FBXO38: variants seen among roughly 807,000 people sequenced by gnomAD.
FBXO38 encodes F-box only protein 38.
FBXO38 carries 53 observed loss-of-function variants against 131.9 expected under a neutral mutation model. That is an observed-to-expected ratio of 0.40 (90% confidence interval 0.32 to 0.51). FBXO38 has a LOEUF of 0.51. Among genes scored for constraint, FBXO38 ranks in the 20% least tolerant of loss-of-function variants. The pLI, the probability that FBXO38 is intolerant of heterozygous loss-of-function variation, is 0.53. For synonymous variants in FBXO38, 452 were observed against 505.6 expected, an observed-to-expected ratio of 0.89 and a Z score of 1.42; for missense variants, 1,076 against 1,475.6, an observed-to-expected ratio of 0.73 and a Z score of 4.44.
intron 18 of FBXO38, 73 bp from the exon 19 acceptor site, chr5:148,439,574 G>C: frequency 7.0e-7 from 1 of 1,426,456 alleles, no homozygotes; most frequent in South Asian, 1.3e-5. Context: ...TGGAAAGATT[G>C]TTCAAGCTCT....
chr5:148,423,864 G>A, intron 12 of FBXO38, 134 bp from the exon 13 acceptor site: 1 of 671,470 alleles, frequency 1.5e-6, no homozygotes, highest in Non-Finnish European at 2.5e-6. Flanking sequence ...AGTGTATGCA[G>A]TATATGCTGT....
intron 9 of FBXO38, among the ~76,000 whole-genome samples, chr5:148,411,817 TA>T (rs1439884304): frequency 1.3e-5 from 2 of 152,208 alleles, no homozygotes; most frequent in Non-Finnish European, 2.9e-5. Context: ...TATATAAAAT[TA>T]ATACATTTGA....
chr5:148,390,281 T>G (rs1257940385), intron 1 of FBXO38, among the ~76,000 whole-genome samples: 1 of 152,210 alleles, frequency 6.6e-6, no homozygotes, highest in Non-Finnish European at 1.5e-5. Flanking sequence ...CCGAGGAAGC[T>G]TTTTATCTCC....
chr5:148,440,476 T>C lies in FBXO38; in HGVS notation c.3223T>C (p.Leu1075=). ...FPEATRSEED[L]KKYPKYPWGR... is the part of the protein sequence containing the mutation. ...TGAAGCCACTCGAAGTGAAGAAGAC[T>C]TAAAGAAATACCCCAAGTACCCCTG... Residue 1075 remains leucine, a synonymous_variant, in exon 20 of 22, where the codon TTA becomes CTA. Transcript: ENST00000340253. The C allele has an allele frequency of 2.5e-6, 4 of 1,612,890 alleles. No individual in the cohort carries two copies. Among genetic ancestry groups the C allele is most frequent in the Non-Finnish European group, 3.4e-6 (4 of 1,178,940 alleles).
In FBXO38 at chr5:148,440,479, A is replaced by G. The variant is rs764602730; in HGVS notation, c.3226A>G (p.Lys1076Glu). ...PEATRSEEDL[K>E]KYPKYPWGRE... ...AGCCACTCGAAGTGAAGAAGACTTA[A>G]AGAAATACCCCAAGTACCCCTGGGG... The change falls in exon 20 of 22, where the codon AAG becomes GAG. Residue 1076 changes from lysine (K) to glutamate (E), a missense_variant. Physicochemically the swap from Lys to Glu is moderately conservative, Grantham distance 56. This residue lies in a region of FBXO38 where 282 missense variants were observed against 418.8 expected (regional missense o/e 0.67). Coordinates refer to ENST00000340253, the MANE Select transcript of FBXO38 (RefSeq NM_205836.3). The G allele has an allele frequency of 1.6e-5, 25 of 1,612,708 alleles. No individual in the cohort carries two copies. In the African/African-American group the frequency reaches 3.2e-4, roughly 21 times the overall value.
At chr5:148,404,907 A>G in intron 6 of FBXO38, 85 bp downstream of exon 6, 1 of 1,202,204 alleles carries the variant, frequency 8.3e-7, no homozygotes, top group East Asian at 2.8e-5. Flanking sequence ...TTGTAAATAC[A>G]ATTATATTAT....
At chr5:148,414,110 T>C in intron 9 of FBXO38, 26 bp from the exon 10 acceptor site, 2 of 1,578,972 alleles carry the variant, frequency 1.3e-6, no homozygotes, top group Non-Finnish European at 1.7e-6. Flanking sequence ...TGACTTTTTT[T>C]TTTTTTAATT....
At position 148,406,252 on chromosome 5, in the gene FBXO38, T is replaced by C. The variant is rs528175277; in HGVS notation, c.731-5T>C. On this transcript the variant is annotated splice_polypyrimidine_tract_variant and splice_region_variant and intron_variant, in intron 6 of 21. Transcript: ENST00000340253. ...GTTCTATCAAAGATTTTTTTTTTTT[T>C]CCAGGACCCACAAATTCCTTGAAAT... The C allele has an allele frequency of 1.4e-4, 217 of 1,564,758 alleles. 2 individuals are homozygous for C. In the South Asian group the frequency reaches 1.6e-3, roughly 12 times the overall value.
chr5:148,411,782 A>C (rs1752772800), intron 9 of FBXO38, among the ~76,000 whole-genome samples: 1 of 152,194 alleles, frequency 6.6e-6, no homozygotes, highest in Admixed American at 6.5e-5. Flanking sequence ...AAATAGCTTT[A>C]AAATGCTAAT....
Position 148,388,531 on chromosome 5 carries a change from A to G in FBXO38, c.-64+4492A>G, listed in dbSNP as rs370449424. Among the ~76,000 whole-genome samples the G allele has an allele frequency of 2.1e-4, 32 of 152,326 alleles. No homozygotes were observed. The South Asian group carries it at 6.4e-3, about 31-fold the overall frequency. On this transcript the variant is annotated intron_variant, in intron 1 of 21. Coordinates refer to ENST00000340253, the MANE Select transcript of FBXO38 (RefSeq NM_205836.3). ...TTATCTAAGTTAGATCTTTTGGATA[A>G]CTTGTTGCAGCTTCTCCATCAACAT...
chr5:148,415,796 A>G (rs1753018811), intron 10 of FBXO38, 132 bp from the exon 11 acceptor site: 5 of 854,004 alleles, frequency 5.9e-6, no homozygotes, highest in African/African-American at 1.7e-5. Context: ...ATCGGGTTTT[A>G]GAAGTCATGA....
intron 12 of FBXO38, among the ~76,000 whole-genome samples, chr5:148,422,259 C>T (rs1753484765): frequency 6.6e-6 from 1 of 152,144 alleles, no homozygotes; most frequent in South Asian, 2.1e-4. Context: ...TACGATCTGG[C>T]CTGCCCTCAT....
Position 148,394,892 on chromosome 5 carries a change from G to A in FBXO38, c.116G>A (p.Cys39Tyr). ...AATCAACTTTCACATGAAGTACTTT[G>A]CCATATTTTTAGGTAAGATTGTGTT... ...YMNQLSHEVL[C>Y]HIFRYLPLQD... The change falls in exon 2 of 22, where the codon TGC becomes TAC. Residue 39 changes from cysteine to tyrosine, a missense_variant. By Grantham distance (194) the Cys-to-Tyr change is radical. Transcript: ENST00000340253. The A allele has an allele frequency of 1.9e-6, 3 of 1,590,298 alleles. No homozygotes were observed. The highest frequency in any genetic ancestry group is 2.6e-6 in the Non-Finnish European group (3 of 1,169,306).
intron 1 of FBXO38, among the ~76,000 whole-genome samples, chr5:148,387,362 C>T (rs1757967048): frequency 6.6e-6 from 1 of 152,136 alleles, no homozygotes; most frequent in Non-Finnish European, 1.5e-5. Context: ...GCAATTCAGT[C>T]ACATCTTCAG....
At chr5:148,438,274 T>G (rs1754464482) in intron 17 of FBXO38, 58 bp from the exon 18 acceptor site, 3 of 1,522,826 alleles carry the variant, frequency 2.0e-6, no homozygotes, top group African/African-American at 2.8e-5. Context: ...CCAACAAAAA[T>G]TAGGCCATCT....
At chr5:148,433,579 A>G in intron 16 of FBXO38, 55 bp downstream of exon 16, 1 of 1,549,060 alleles carries the variant, frequency 6.5e-7, no homozygotes, top group Non-Finnish European at 8.9e-7. Flanking sequence ...TTCCTAAATA[A>G]TGCACATAAA....
rs2113463012 is a variant in FBXO38 at position 148,384,289 on chromosome 5, A to G, written c.-64+250A>G. On this transcript the variant is annotated intron_variant, in intron 1 of 21. Transcript: ENST00000340253. Reference sequence around the variant, plus strand: ...CTGGCCCCAAAATCCAGCATAAAGAACTCTCTCTGGGCCCCAGTTTCCTCA... The same window carrying G: ...CTGGCCCCAAAATCCAGCATAAAGAGCTCTCTCTGGGCCCCAGTTTCCTCA... Among the ~76,000 whole-genome samples, 3 of 151,428 alleles carry G rather than the reference A, an allele frequency of 2.0e-5. No individual in the cohort carries two copies. In the South Asian group the frequency reaches 6.3e-4, roughly 32 times the overall value.
At chr5:148,441,270 A>G (rs1184724202) in intron 21 of FBXO38, 33 bp downstream of exon 21, 2 of 1,471,080 alleles carry the variant, frequency 1.4e-6, no homozygotes, top group East Asian at 4.5e-5. Flanking sequence ...TCTATTCTCT[A>G]GTTTAAGTAT....
chr5:148,402,181 G>C (rs773190715), intron 4 of FBXO38, 36 bp downstream of exon 4: 1 of 1,586,338 alleles, frequency 6.3e-7, no homozygotes, highest in East Asian at 2.3e-5. Context: ...GGCATCAACT[G>C]TTTATGAAAT....
Sources: gnomAD v4.1 joint callset for allele counts (sites outside exome capture counted in the v4.1 genomes callset) on GRCh38, gnomAD v4.1.1 for gene constraint, gnomAD v4.1.1 regional missense constraint, MANE v1.5 for transcripts, NCBI Gene and HGNC (gene_info 2026-07-23, HGNC 2026-07-21) for gene names.